The following HSPA12A variants were observed in gnomAD, a reference collection of about 807,000 sequenced individuals.
HSPA12A encodes heat shock 70 kDa protein 12A.
In HSPA12A, 28 loss-of-function variants were observed where a neutral mutation model predicts 69.2. The observed-to-expected ratio is 0.40, with a 90% CI of 0.30 to 0.55. The LOEUF (loss-of-function observed/expected upper bound fraction) is 0.55, where lower values mean the gene tolerates loss of function less well. Among genes scored for constraint, HSPA12A ranks in the 20% least tolerant of loss-of-function variants. The probability of loss-of-function intolerance (pLI) is 0.38; values close to 1 mark genes in which losing one functional copy is unlikely to be tolerated. For synonymous variants in HSPA12A, 345 were observed against 370.5 expected, an observed-to-expected ratio of 0.93 and a Z score of 0.79; for missense variants, 686 against 900.7, an observed-to-expected ratio of 0.76 and a Z score of 3.05.
rs562761204 is a variant in HSPA12A at position 116,687,552 on chromosome 10, G to A, written c.664-3590C>T. 2.0e-5 allele frequency among the ~76,000 whole-genome samples: 3 copies of A among 152,268 alleles called. No individual in the cohort carries two copies. In the South Asian group the frequency reaches 6.2e-4, roughly 32 times the overall value. On this transcript the variant is annotated intron_variant, in intron 6 of 11. Transcript: ENST00000369209. ...ACTGCTGTGGACTCCGAGAAAAGGA[G>A]GAAATGCTAAAGTATCGCCCAGGCT...
chr10:116,757,851 C>T (rs565545360), intron 2 of HSPA12A, among the ~76,000 whole-genome samples: 3 of 152,274 alleles, frequency 2.0e-5, no homozygotes, highest in Non-Finnish European at 4.4e-5. Flanking sequence ...ATTAGAATGG[C>T]CACATCCAGA....
rs11435803 is a variant in HSPA12A, at chr10:116,678,586, G to GAA, written c.1286+915_1286+916dup. Among the ~76,000 whole-genome samples, 976 of 128,540 alleles carry GAA rather than the reference G, an allele frequency of 7.6e-3. 14 individuals carry two copies. Among genetic ancestry groups the GAA allele is most frequent in the African/African-American group, 0.013 (458 of 34,498 alleles). 84.3% of individuals were successfully genotyped at this position (128,540 alleles called of 152,430 possible). A position where few individuals can be genotyped will look rare whatever the true frequency, so the allele number is the denominator to read the frequency against. ...CCTCATTTGGATGTTGGTACAAAGT[G>GAA]AAAAAAAAAAAAAAAAAGACAAATG... On this transcript the variant is annotated intron_variant, in intron 10 of 11. Transcript: ENST00000369209.
At chr10:116,835,064 T>C in intron 1 of HSPA12A, 3 of 1,183,282 alleles carry the variant, frequency 2.5e-6, no homozygotes, top group Non-Finnish European at 3.2e-6. Context: ...AAAATGTCGA[T>C]TTGTTTCCAT....
upstream of HSPA12A, among the ~76,000 whole-genome samples, chr10:116,742,760 CG>C (rs1851558665): frequency 1.3e-5 from 2 of 151,830 alleles, no homozygotes; most frequent in African/African-American, 4.8e-5. Flanking sequence ...AGCGGCCCGC[CG>C]AGGCCCGGCC....
chr10:116,762,077 G>T (rs1038802303), intron 2 of HSPA12A, among the ~76,000 whole-genome samples: 3 of 152,192 alleles, frequency 2.0e-5, no homozygotes, highest in Non-Finnish European at 4.4e-5. Context: ...CCTTTCACAT[G>T]CTAGGCACTG....
intron 2 of HSPA12A, among the ~76,000 whole-genome samples, chr10:116,795,344 T>C (rs760098228): frequency 2.6e-5 from 4 of 152,112 alleles, no homozygotes; most frequent in Non-Finnish European, 5.9e-5. Flanking sequence ...GGTAATGTAG[T>C]TTTACATTTA....
chr10:116,731,502 C>G lies in HSPA12A; in HGVS notation c.40+10928G>C, dbSNP rs74161318. 3.3e-3 allele frequency among the ~76,000 whole-genome samples: 506 copies of G among 152,322 alleles called. 6 individuals carry two copies. The highest frequency in any genetic ancestry group is 0.011 in the African/African-American group (476 of 41,580). On this transcript the variant is annotated intron_variant, in intron 1 of 11. Coordinates refer to ENST00000369209, the MANE Select transcript of HSPA12A (RefSeq NM_025015.3). ...CCCATCACACACCAGAAGAACACAC[C>G]AAGAGTCTGTGCATTATTGTCATGC...
chr10:116,804,507 A>G (rs1476802936), intron 2 of HSPA12A, among the ~76,000 whole-genome samples: 1 of 151,922 alleles, frequency 6.6e-6, no homozygotes, highest in East Asian at 1.9e-4. Flanking sequence ...ACTCCACTCC[A>G]GGTCTCTACC....
At chr10:116,822,674 G>A (rs1845427140) in intron 2 of HSPA12A, among the ~76,000 whole-genome samples, 1 of 152,184 alleles carries the variant, frequency 6.6e-6, no homozygotes, top group South Asian at 2.1e-4. Flanking sequence ...CTGAATTCAG[G>A]ACTTCAAGCC....
At chr10:116,812,630 G>A (rs1845215315) in intron 2 of HSPA12A, among the ~76,000 whole-genome samples, 1 of 151,808 alleles carries the variant, frequency 6.6e-6, no homozygotes, top group Non-Finnish European at 1.5e-5. Flanking sequence ...TACAGCACTG[G>A]AGAGCTGTGG....
chr10:116,836,112 A>G (rs912605610), intron 1 of HSPA12A, among the ~76,000 whole-genome samples: 1 of 152,216 alleles, frequency 6.6e-6, no homozygotes, highest in African/African-American at 2.4e-5. Context: ...GTGCTCAGAA[A>G]GCCCATAGGA....
intron 2 of HSPA12A, among the ~76,000 whole-genome samples, chr10:116,820,281 A>G (rs1349879746): frequency 6.6e-6 from 1 of 152,168 alleles, no homozygotes; most frequent in Non-Finnish European, 1.5e-5. Context: ...TTGACGTGAG[A>G]GTATCAAAGG....
At chr10:116,731,548 A>G (rs1290355834) in intron 1 of HSPA12A, among the ~76,000 whole-genome samples, 4 of 152,190 alleles carry the variant, frequency 2.6e-5, no homozygotes, top group Admixed American at 2.6e-4. Flanking sequence ...GTGGTCAGTT[A>G]CCCCATGTAG....
chr10:116,837,512 T>G (rs73387517), intron 1 of HSPA12A, among the ~76,000 whole-genome samples: 3,127 of 152,212 alleles, frequency 0.021, 107 homozygotes, highest in African/African-American at 0.072. Flanking sequence ...CACAGAGAAC[T>G]GAGCTATAAA....
chr10:116,806,256 A>G (rs951509825), intron 2 of HSPA12A, among the ~76,000 whole-genome samples: 1 of 152,180 alleles, frequency 6.6e-6, no homozygotes, highest in Non-Finnish European at 1.5e-5. Context: ...GATGGAGTGC[A>G]ATGGCACGAT....
intron 7 of HSPA12A, among the ~76,000 whole-genome samples, chr10:116,683,095 T>C (rs1177168630): frequency 2.6e-5 from 4 of 151,796 alleles, no homozygotes; most frequent in Admixed American, 6.6e-5. Flanking sequence ...GCCACCCCCA[T>C]AGTGCTCTCA....
chr10:116,735,732 C>T (rs555856302), intron 1 of HSPA12A, among the ~76,000 whole-genome samples: 2 of 152,048 alleles, frequency 1.3e-5, no homozygotes, highest in African/African-American at 4.8e-5. Context: ...CACGGTGGCT[C>T]ATGCCTGTAA....
intron 3 of HSPA12A, among the ~76,000 whole-genome samples, chr10:116,704,822 G>A (rs1459847896): frequency 1.3e-5 from 2 of 152,096 alleles, no homozygotes; most frequent in Non-Finnish European, 2.9e-5. Flanking sequence ...GGCCAAGCTG[G>A]CACCTGGATC....
intron 2 of HSPA12A, among the ~76,000 whole-genome samples, chr10:116,748,999 C>T (rs1344659632): frequency 6.6e-6 from 1 of 152,156 alleles, no homozygotes; most frequent in Non-Finnish European, 1.5e-5. Context: ...CTCCCTTCCT[C>T]ACCCCCTGCT....
Sources: gnomAD v4.1 joint callset for allele counts (sites outside exome capture counted in the v4.1 genomes callset) on GRCh38, gnomAD v4.1.1 for gene constraint, MANE v1.5 for transcripts, NCBI Gene and HGNC (gene_info 2026-07-23, HGNC 2026-07-21) for gene names.